Variants in GMIP observed in about 807,000 individuals in gnomAD.
GMIP encodes GEM interacting protein.
Under a neutral mutation model 105.3 loss-of-function variants are expected in GMIP, and 54 were observed. That is an observed-to-expected ratio of 0.51 (90% CI 0.41 to 0.64). GMIP has a LOEUF of 0.64. Ranked by LOEUF, GMIP falls within the 30% of genes least tolerant of loss-of-function variation. GMIP has a pLI of 0.00. For synonymous variants in GMIP, 541 were observed against 560.8 expected (o/e 0.96, Z 0.50); for missense variants, 1,110 against 1,319.4 (o/e 0.84, Z 2.46).
Position 19,637,660 on chromosome 19 carries a change from G to A in GMIP, c.928-99C>T. ...GGCTTGAGAGACGCGAACGTGGTCA[G>A]GGTTTGGGACGCACCTGGGCGGCTT... On this transcript the variant is annotated intron_variant, in intron 10 of 20. Transcript: ENST00000203556. The surrounding 1 kb of genome is among the most constrained non-coding windows in gnomAD (Gnocchi z 6.7). The A allele has an allele frequency of 9.4e-7, 1 of 1,068,810 alleles. No homozygotes were observed. Among genetic ancestry groups the A allele is most frequent in the Non-Finnish European group, 1.3e-6 (1 of 771,542 alleles). 66.2% of individuals were successfully genotyped at this position (1,068,810 alleles called of 1,614,324 possible).
rs561873219 is a variant in GMIP at position 19,634,455 on chromosome 19, C to A, written c.2084+52G>T. 2 of 1,470,042 alleles carry A rather than the reference C, an allele frequency of 1.4e-6. No homozygotes were observed. The highest frequency in any genetic ancestry group is 2.8e-5 in the African/African-American group (2 of 70,282). The allele number at this position is 1,470,042 out of a possible 1,614,324, so 91.1% of individuals were successfully genotyped here. A position where few individuals can be genotyped will look rare whatever the true frequency, so the allele number is the denominator to read the frequency against. On this transcript the variant is annotated intron_variant, in intron 18 of 20. Transcript: ENST00000203556. This position sits in a 1 kb window ranked among gnomAD's most constrained non-coding sequence, Gnocchi z 6.1. ...GGGGTCAGCCAGGGAAGTTAGTAGT[C>A]GCATGTCCAGGGAAAAGGGTCGCGT...
At position 19,635,371 on chromosome 19, in the gene GMIP, T is replaced by G; in HGVS notation, c.1560+44A>C. 3 of 1,593,782 alleles carry G rather than the reference T, an allele frequency of 1.9e-6. No individual in the cohort carries two copies. Among genetic ancestry groups the G allele is most frequent in the Non-Finnish European group, 8.6e-7 (1 of 1,168,314 alleles). On this transcript the variant is annotated intron_variant, in intron 15 of 20. Transcript: ENST00000203556. The surrounding 1 kb of genome is among the most constrained non-coding windows in gnomAD (Gnocchi z 4.7). Reference sequence around the variant, plus strand: ...TAGGAATCTCAGGTCAGGGAGATGATCAAGGGTCAGCAAAGGTCATTTGGT... The same window carrying G: ...TAGGAATCTCAGGTCAGGGAGATGAGCAAGGGTCAGCAAAGGTCATTTGGT...
chr19:19,642,198 A>C, intron 2 of GMIP, 147 bp from the exon 3 acceptor site: 2 of 603,422 alleles, frequency 3.3e-6, no homozygotes, highest in Non-Finnish European at 5.9e-6. Context: ...GTTTTGGGGG[A>C]ATCAGGTGAG....
rs746970756 is a variant in GMIP, at chr19:19,641,939, T to C, written c.180+37A>G. 5.0e-6 allele frequency: 8 copies of C among 1,601,822 alleles called. No individual in the cohort carries two copies. In the Admixed American group the frequency reaches 1.3e-4, roughly 27 times the overall value. On this transcript the variant is annotated intron_variant, in intron 3 of 20. Transcript: ENST00000203556. ...TGGCCTTCCTAAGGCCCCCTCTGCT[T>C]GAGGTCTTCCTCCCTGTTCCCCTAC...
In GMIP at chr19:19,635,082, T is replaced by C. The variant is rs2061839364; in HGVS notation, c.1692A>G (p.Val564=). Residue 564 remains valine (V), a synonymous_variant, in exon 16 of 21, where the codon GTA becomes GTG. Transcript: ENST00000203556. The surrounding 1 kb of genome is among the most constrained non-coding windows in gnomAD (Gnocchi z 4.7). ...CCGTGCACTTCGTGACCACAAAGGG[T>C]ACCTCCTCCGGGAAGTCCCTGGGTA... ...LQLPRDFPEE[V]PFVVTKCTAE... The C allele has an allele frequency of 6.2e-7, 1 of 1,613,960 alleles. No individual in the cohort carries two copies. The highest frequency in any genetic ancestry group is 2.2e-5 in the East Asian group (1 of 44,878).
chr19:19,641,888 A>T, intron 3 of GMIP, 21 bp from the exon 4 acceptor site: 1 of 1,613,112 alleles, frequency 6.2e-7, no homozygotes, highest in Non-Finnish European at 8.5e-7. Context: ...GGGAGACAGT[A>T]TTCAGAAGCA....
In GMIP at chr19:19,635,131, AGG is replaced by A. The variant is rs1373848092; in HGVS notation, c.1641_1642del (p.Leu548PhefsTer4). 6.2e-7 allele frequency: 1 copy of A among 1,613,620 alleles called. No individual in the cohort carries two copies. The highest frequency in any genetic ancestry group is 1.3e-5 in the African/African-American group (1 of 74,894). On this transcript the variant is annotated frameshift_variant, in exon 16 of 21. Transcript: ENST00000203556. LOFTEE classifies it high-confidence loss of function. This position sits in a 1 kb window ranked among gnomAD's most constrained non-coding sequence, Gnocchi z 4.7. ...TAGCTGCAGGAAGTCAACCCCAAAA[AGG>A]GGTGTCCGGGCTGGGAGCCGCCTGT...
rs2061862281 is a variant in GMIP, at chr19:19,637,017, G to A, written c.1137C>T (p.Asp379=). The stretch of plus-strand genomic sequence containing the variant: ...GAGGCCCAGAGAGCTTCTTTCTGAT[G>A]TCCAGAGGGGAGCTGAGAAGACAGA... ...FLPSLNSSPL[D]IRKKLSGPLP... is the part of the protein sequence containing the mutation. The change falls in exon 12 of 21, where the codon GAC becomes GAT. Residue 379 remains aspartate, a synonymous_variant. Transcript: ENST00000203556. This position sits in a 1 kb window ranked among gnomAD's most constrained non-coding sequence, Gnocchi z 6.7. 1 of 1,566,720 alleles carries A rather than the reference G, an allele frequency of 6.4e-7. No individual in the cohort carries two copies. Among genetic ancestry groups the A allele is most frequent in the African/African-American group, 1.4e-5 (1 of 73,964 alleles).
At position 19,633,199 on chromosome 19, in the gene GMIP, C is replaced by T. The variant is rs981852774; in HGVS notation, c.2472+604G>A. ...TCAGCCTCCTGAGTAGCTGGGATTA[C>T]AGGTACACACCACCACACCTGGCTA... On this transcript the variant is annotated intron_variant, in intron 19 of 20. Transcript: ENST00000203556. Among the ~76,000 whole-genome samples, 4 of 152,120 alleles carry T rather than the reference C, an allele frequency of 2.6e-5. No individual in the cohort carries two copies. The East Asian group carries it at 7.7e-4, about 29-fold the overall frequency.
rs554010794 is a variant in GMIP, at chr19:19,638,871, A to AG, written c.538-390dup. ...CAAAGTGGGCAGATCACCTGAGGCC[A>AG]GGAGTTCAAGACCAGCCTGACCAAC... On this transcript the variant is annotated intron_variant, in intron 7 of 20. Transcript: ENST00000203556. 2.0e-5 allele frequency among the ~76,000 whole-genome samples: 3 copies of AG among 149,698 alleles called. No individual in the cohort carries two copies. In the East Asian group the frequency reaches 5.9e-4, roughly 29 times the overall value.
Position 19,635,469 on chromosome 19 carries a change from TG to T in GMIP, c.1505del (p.Pro502GlnfsTer22), listed in dbSNP as rs765249347. The stretch of plus-strand genomic sequence containing the variant: ...AGGCTTCGCACTCGCGGCACTTGGC[TG>T]GGCCCCGCAGTCGCCGCAGCTGGTG... ...QTHQLRRLRG[P>X]AKCRECEAFM... On this transcript the variant is annotated frameshift_variant, in exon 15 of 21. Coordinates refer to ENST00000203556, the MANE Select transcript of GMIP (RefSeq NM_016573.4). LOFTEE classifies it high-confidence loss of function. The surrounding 1 kb of genome is among the most constrained non-coding windows in gnomAD (Gnocchi z 4.7). 1.9e-6 allele frequency: 3 copies of T among 1,610,412 alleles called. No individual in the cohort carries two copies. The highest frequency in any genetic ancestry group is 2.5e-6 in the Non-Finnish European group (3 of 1,180,002).
Position 19,637,613 on chromosome 19 carries a change from G to A in GMIP, c.928-52C>T. 7.2e-7 allele frequency: 1 copy of A among 1,381,194 alleles called. No homozygotes were observed. Among genetic ancestry groups the A allele is most frequent in the Non-Finnish European group, 9.6e-7 (1 of 1,041,578 alleles). 85.6% of individuals were successfully genotyped at this position (1,381,194 alleles called of 1,614,324 possible). A position where few individuals can be genotyped will look rare whatever the true frequency, so the allele number is the denominator to read the frequency against. ...GAGGGGCGGAGCCTGGGAGCCTGGG[G>A]GCAGGGCCAGAGCTGGGGCGGGGCT... On this transcript the variant is annotated intron_variant, in intron 10 of 20. Transcript: ENST00000203556. This position sits in a 1 kb window ranked among gnomAD's most constrained non-coding sequence, Gnocchi z 6.7.
rs1298358950 is a variant in GMIP at position 19,637,437 on chromosome 19, G to GC, written c.1051dup (p.Ala351GlyfsTer44). Reference sequence around the variant, plus strand: ...GGGCGGCGGGGCCTCGGGCCGCAGCGCCCGTACAAACTCCTGGTAGCGCTG... The same window carrying GC: ...GGGCGGCGGGGCCTCGGGCCGCAGCGCCCCGTACAAACTCCTGGTAGCGCTG... On this transcript the variant is annotated frameshift_variant, in exon 11 of 21. Transcript: ENST00000203556. LOFTEE classifies it high-confidence loss of function. The surrounding 1 kb of genome is among the most constrained non-coding windows in gnomAD (Gnocchi z 6.7). The GC allele has an allele frequency of 8.0e-6, 12 of 1,508,512 alleles. No homozygotes were observed. Among genetic ancestry groups the GC allele is most frequent in the Non-Finnish European group, 8.8e-6 (10 of 1,134,084 alleles). The allele number at this position is 1,508,512 out of a possible 1,614,324, so 93.4% of individuals were successfully genotyped here.
rs1219048554 is a variant in GMIP, at chr19:19,635,735, A to G, written c.1328-14T>C. On this transcript the variant is annotated splice_polypyrimidine_tract_variant and intron_variant, in intron 13 of 20. Transcript: ENST00000203556. This position sits in a 1 kb window ranked among gnomAD's most constrained non-coding sequence, Gnocchi z 4.7. ...TCGTGCCAGCGCCTGGGGTCAGAGG[A>G]ATCATGGGAGATTCCTGGGCTATGG... 1 of 1,611,694 alleles carries G rather than the reference A, an allele frequency of 6.2e-7. No homozygotes were observed. Among genetic ancestry groups the G allele is most frequent in the Middle Eastern group, 1.7e-4 (1 of 6,058 alleles).
At position 19,629,908 on chromosome 19, in the gene GMIP, A is replaced by G. The variant is rs1282732238; in HGVS notation, c.*55T>C. 2.6e-6 allele frequency: 4 copies of G among 1,541,624 alleles called. No individual in the cohort carries two copies. In the African/African-American group the frequency reaches 5.4e-5, roughly 21 times the overall value. On this transcript the variant is annotated 3_prime_UTR_variant, in exon 21 of 21. Coordinates refer to ENST00000203556, the MANE Select transcript of GMIP (RefSeq NM_016573.4). ...CCACTAGGTGGTGGGAGGTAGGGATATATGGGTCCGTCTTCACAATCTGGG... is the reference window on the plus strand; with the variant it reads ...CCACTAGGTGGTGGGAGGTAGGGATGTATGGGTCCGTCTTCACAATCTGGG...
At chr19:19,638,972 C>T (rs983837751) in intron 7 of GMIP, among the ~76,000 whole-genome samples, 3 of 151,624 alleles carry the variant, frequency 2.0e-5, no homozygotes, top group East Asian at 1.9e-4. Flanking sequence ...CCCACCTACT[C>T]GGGAGGCTGA....
rs1204359816 is a variant in GMIP, at chr19:19,641,867, T to C, written c.181A>G (p.Thr61Ala). The C allele has an allele frequency of 1.2e-6, 2 of 1,613,196 alleles. No homozygotes were observed. Among genetic ancestry groups the C allele is most frequent in the Middle Eastern group, 1.7e-4 (1 of 5,752 alleles). The change falls in exon 4 of 21, where the codon ACC becomes GCC. Residue 61 changes from threonine to alanine, a missense_variant and splice_region_variant. Physicochemically the swap from Thr to Ala is moderately conservative, Grantham distance 58. This residue lies in a region of GMIP where 667 missense variants were observed against 773.2 expected (regional missense o/e 0.86). Coordinates refer to ENST00000203556, the MANE Select transcript of GMIP (RefSeq NM_016573.4). ...CCGCTCCAACAGCTGGCTTCGTTGG[T>C]CTGTGCGGGAGGGAGACAGTATTCA... The part of the protein sequence containing the change: ...EPDKTPTATV[T>A]NEASCWSGPS...
chr19:19,634,749 GAGGGCTCCTGCCCGCGTCCCCCTC>G lies in GMIP; in HGVS notation c.1887+19_1887+42del. 1 of 1,610,660 alleles carries G rather than the reference GAGGGCTCCTGCCCGCGTCCCCCTC, an allele frequency of 6.2e-7. No homozygotes were observed. On this transcript the variant is annotated intron_variant, in intron 17 of 20. Transcript: ENST00000203556. The surrounding 1 kb of genome is among the most constrained non-coding windows in gnomAD (Gnocchi z 6.1). ...GCAACACGAGTGTGGGTGGGCTGTGGAGGGCTCCTGCCCGCGTCCCCCTCAGTGTCCTGAGCACCAACCTCCTGA... is the reference window on the plus strand; with the variant it reads ...GCAACACGAGTGTGGGTGGGCTGTGGAGTGTCCTGAGCACCAACCTCCTGA...
In GMIP at chr19:19,630,541, C is replaced by T. The variant is rs759679477; in HGVS notation, c.2473-4G>A. Reference sequence around the variant, plus strand: ...GGTCACTCTGTGGAGTTGGAATCTGCAGGGAGAAACCCAAGAATGAGACCC... The same window carrying T: ...GGTCACTCTGTGGAGTTGGAATCTGTAGGGAGAAACCCAAGAATGAGACCC... On this transcript the variant is annotated splice_region_variant and splice_polypyrimidine_tract_variant and intron_variant, in intron 19 of 20. Transcript: ENST00000203556. The surrounding 1 kb of genome is among the most constrained non-coding windows in gnomAD (Gnocchi z 4.8). The T allele has an allele frequency of 3.1e-6, 5 of 1,612,726 alleles. No homozygotes were observed. The highest frequency in any genetic ancestry group is 1.7e-4 in the Middle Eastern group (1 of 6,058).
Sources: gnomAD v4.1 joint callset for allele counts (sites outside exome capture counted in the v4.1 genomes callset) on GRCh38, gnomAD v4.1.1 for gene constraint, gnomAD v4.1.1 regional missense constraint, Gnocchi (gnomAD v3.1) non-coding constraint, MANE v1.5 for transcripts, NCBI Gene and HGNC (gene_info 2026-07-23, HGNC 2026-07-21) for gene names.